UGT1A9: variants seen among roughly 807,000 people sequenced by gnomAD.
The protein encoded by UGT1A9 is UDP-glucuronosyltransferase 1A9.
In UGT1A9, 35 loss-of-function variants were observed where a neutral mutation model predicts 45.0. That is an observed-to-expected ratio of 0.78 (90% CI 0.59 to 1.03). The LOEUF is 1.03. UGT1A9 is among the 50% of genes least tolerant of loss of function. The pLI is 0.00. For synonymous variants in UGT1A9, 278 were observed against 250.6 expected, an observed-to-expected ratio of 1.11 and a Z score of -1.03; for missense variants, 687 against 666.6, an observed-to-expected ratio of 1.03 and a Z score of -0.34.
intron 1 of UGT1A9, among the ~76,000 whole-genome samples, chr2:233,695,491 T>C (rs2075292104): frequency 6.6e-6 from 1 of 152,018 alleles, no homozygotes; most frequent in South Asian, 2.1e-4. Context: ...CTCTTTTCTA[T>C]CAAAGTTTTT....
At chr2:233,744,445 T>A (rs1692819462) in intron 1 of UGT1A9, among the ~76,000 whole-genome samples, 1 of 151,876 alleles carries the variant, frequency 6.6e-6, no homozygotes, top group Non-Finnish European at 1.5e-5. Context: ...ACGTACTGCA[T>A]TAGAGATTAA....
intron 1 of UGT1A9, chr2:233,692,795 C>A: frequency 7.3e-7 from 1 of 1,377,212 alleles, no homozygotes; most frequent in Non-Finnish European, 9.4e-7. Flanking sequence ...TGAAAGCTGA[C>A]ACGGCCATAG....
chr2:233,719,574 G>A (rs2076782937), intron 1 of UGT1A9: 1 of 1,613,926 alleles, frequency 6.2e-7, no homozygotes, highest in Non-Finnish European at 8.5e-7. Context: ...TGTCAGCTAT[G>A]CATCCGTGTG....
intron 1 of UGT1A9, among the ~76,000 whole-genome samples, chr2:233,735,255 T>C (rs1489550965): frequency 6.6e-6 from 1 of 152,240 alleles, no homozygotes; most frequent in Non-Finnish European, 1.5e-5. Flanking sequence ...ATTGCTCCCT[T>C]TACCATTATG....
At chr2:233,741,288 A>G (rs1260428951) in intron 1 of UGT1A9, among the ~76,000 whole-genome samples, 2 of 151,770 alleles carry the variant, frequency 1.3e-5, no homozygotes, top group Non-Finnish European at 2.9e-5. Context: ...GGATTTATGT[A>G]CCCAATTGTG....
At chr2:233,754,727 A>G (rs1302985186) in intron 1 of UGT1A9, 1 of 608,774 alleles carries the variant, frequency 1.6e-6, no homozygotes, top group Non-Finnish European at 2.8e-6. Context: ...CTGTCCCATC[A>G]CTACCGTAGG....
intron 1 of UGT1A9, among the ~76,000 whole-genome samples, chr2:233,731,443 A>T (rs1454416898): frequency 6.6e-6 from 1 of 151,114 alleles, no homozygotes; most frequent in Non-Finnish European, 1.5e-5. Context: ...CCAGTCCCCC[A>T]CCCCACAACA....
intron 1 of UGT1A9, among the ~76,000 whole-genome samples, chr2:233,738,281 T>C (rs1690748430): frequency 6.6e-6 from 1 of 152,228 alleles, no homozygotes; most frequent in Non-Finnish European, 1.5e-5. Context: ...CCTTTATAAA[T>C]TACCCAGTCT....
intron 1 of UGT1A9, among the ~76,000 whole-genome samples, chr2:233,766,604 C>T (rs1699199811): frequency 6.6e-6 from 1 of 152,174 alleles, no homozygotes; most frequent in Non-Finnish European, 1.5e-5. Flanking sequence ...AGGGACCACA[C>T]CCTCTTCTAC....
chr2:233,691,801 C>G (rs958014119), intron 1 of UGT1A9: 21 of 217,940 alleles, frequency 9.6e-5, no homozygotes, highest in Admixed American at 2.6e-4. Context: ...TTATACTTCT[C>G]AAATCTTAAT....
At chr2:233,680,451 G>A (rs17863777) in intron 1 of UGT1A9, among the ~76,000 whole-genome samples, 1 of 152,156 alleles carries the variant, frequency 6.6e-6, no homozygotes, top group East Asian at 1.9e-4. Flanking sequence ...AAGTGACTAA[G>A]CAAATGTCTA....
In UGT1A9 at chr2:233,723,536, T is replaced by TTTTA. The variant is rs1553611580; in HGVS notation, c.856-43498_856-43497insTTTA. The stretch of plus-strand genomic sequence containing the variant: ...ACAATCTTTTTTTTTTTTTTTTTTT[T>TTTTA]AATTTATTTTTTTATTGATAATTCT... On this transcript the variant is annotated intron_variant, in intron 1 of 4. Transcript: ENST00000354728. 3.3e-5 allele frequency among the ~76,000 whole-genome samples: 4 copies of TTTTA among 121,446 alleles called. 1 individual carries two copies. Among genetic ancestry groups the TTTTA allele is most frequent in the Admixed American group, 1.7e-4 (2 of 11,926 alleles). 79.7% of individuals were successfully genotyped at this position (121,446 alleles called of 152,430 possible). A position where few individuals can be genotyped will look rare whatever the true frequency, so the allele number is the denominator to read the frequency against.
At chr2:233,710,646 T>C (rs1403347719) in intron 1 of UGT1A9, among the ~76,000 whole-genome samples, 1 of 152,250 alleles carries the variant, frequency 6.6e-6, no homozygotes, top group Non-Finnish European at 1.5e-5. Context: ...TTACATATTC[T>C]GGATACAAGT....
At chr2:233,753,255 C>T (rs1695165382) in intron 1 of UGT1A9, 1 of 152,170 alleles carries the variant, frequency 6.6e-6, no homozygotes, top group Non-Finnish European at 1.5e-5. Context: ...AAGCAACTAC[C>T]CAGGCACCTT....
At chr2:233,742,318 C>T (rs4663966) in intron 1 of UGT1A9, among the ~76,000 whole-genome samples, 10,868 of 151,974 alleles carry the variant, frequency 0.072, 603 homozygotes, top group East Asian at 0.2. Flanking sequence ...GTATTCCTTA[C>T]GGGAAACAAA....
chr2:233,704,283 A>C (rs1425877404), intron 1 of UGT1A9, among the ~76,000 whole-genome samples: 1 of 126,250 alleles, frequency 7.9e-6, no homozygotes, highest in African/African-American at 3.3e-5. Context: ...CATTGAGTGA[A>C]TATTTTCTAG....
chr2:233,713,060 G>A (rs2076274457), intron 1 of UGT1A9: 1 of 1,614,168 alleles, frequency 6.2e-7, no homozygotes, highest in South Asian at 1.1e-5. Flanking sequence ...TCAGTGTCCA[G>A]CCCTGGGCTG....
At chr2:233,755,000 G>A (rs1457245121) in intron 1 of UGT1A9, 1 of 1,292,978 alleles carries the variant, frequency 7.7e-7, no homozygotes, top group Non-Finnish European at 1.0e-6. Flanking sequence ...GGAAGCTGAA[G>A]ACCTACTCGA....
chr2:233,766,956 T>C (rs1699290274), intron 1 of UGT1A9, 78 bp from the exon 2 acceptor site: 3 of 1,604,724 alleles, frequency 1.9e-6, no homozygotes, highest in Non-Finnish European at 2.5e-6. Flanking sequence ...GAGGAAGATA[T>C]CTAATTCATA....
Sources: allele counts gnomAD v4.1 joint callset (sites outside exome capture counted in the v4.1 genomes callset), GRCh38; gene constraint gnomAD v4.1.1; transcripts MANE v1.5; gene names NCBI Gene and HGNC (gene_info 2026-07-23, HGNC 2026-07-21).